Variants in CNTN5 observed in about 807,000 individuals in gnomAD.
CNTN5 encodes contactin-5.
In CNTN5, 77 loss-of-function variants were observed where a neutral mutation model predicts 129.1. The ratio of observed to expected loss-of-function variants is 0.60; its 90% CI spans 0.50 to 0.72. The LOEUF is 0.72. CNTN5 is among the 30% of genes least tolerant of loss of function. CNTN5 has a pLI of 0.00. For missense variants in CNTN5, 1,478 were observed against 1,328.8 expected (o/e 1.11, Z -1.75); for synonymous variants, 509 against 465.6 (o/e 1.09, Z -1.20).
chr11:99,936,181 G>T (rs1950311951), intron 7 of CNTN5, among the ~76,000 whole-genome samples: 1 of 152,108 alleles, frequency 6.6e-6, no homozygotes, highest in East Asian at 1.9e-4. Context: ...ACATTTGCAG[G>T]GGTTATTAAA....
In CNTN5 at chr11:99,138,729, G is replaced by A. The variant is rs568901621; in HGVS notation, c.-210+117459G>A. 2.6e-5 allele frequency among the ~76,000 whole-genome samples: 4 copies of A among 152,202 alleles called. No individual in the cohort carries two copies. The East Asian group carries it at 7.7e-4, about 29-fold the overall frequency. On this transcript the variant is annotated intron_variant, in intron 1 of 24. Transcript: ENST00000524871. ...AATTCCCAAAACCCACAAATAACAT[G>A]AGAAGTCAGTGCTAAGACATAAAAA...
At chr11:99,595,872 G>T (rs1950110795) in intron 3 of CNTN5, among the ~76,000 whole-genome samples, 1 of 151,796 alleles carries the variant, frequency 6.6e-6, no homozygotes, top group Admixed American at 6.6e-5. Flanking sequence ...CCCTCATAAG[G>T]GTTTAAGGCC....
At chr11:99,284,062 A>G (rs1352991093) in intron 1 of CNTN5, among the ~76,000 whole-genome samples, 2 of 152,120 alleles carry the variant, frequency 1.3e-5, no homozygotes, top group African/African-American at 4.8e-5. Flanking sequence ...TGTACTAGCA[A>G]TTGACTCTAT....
chr11:99,652,327 G>A (rs1051867256), intron 3 of CNTN5, among the ~76,000 whole-genome samples: 1 of 151,966 alleles, frequency 6.6e-6, no homozygotes, highest in South Asian at 2.1e-4. Flanking sequence ...TCTTCAGTTG[G>A]TTATAATAGC....
intron 2 of CNTN5, among the ~76,000 whole-genome samples, chr11:99,338,671 TG>T (rs1866346373): frequency 6.6e-6 from 1 of 152,006 alleles, no homozygotes; most frequent in Admixed American, 6.6e-5. Context: ...AAAGCCAAAA[TG>T]GGAGCCAAGA....
intron 17 of CNTN5, among the ~76,000 whole-genome samples, chr11:100,269,429 G>A (rs1950367376): frequency 1.3e-5 from 2 of 152,280 alleles, no homozygotes; most frequent in Middle Eastern, 3.4e-3. Context: ...AATGTTAAGA[G>A]ACCTTAGTTT....
chr11:100,255,697 T>A, intron 16 of CNTN5, 63 bp from the exon 17 acceptor site: 22 of 1,430,640 alleles, frequency 1.5e-5, no homozygotes, highest in South Asian at 2.5e-5. Context: ...ATTGGAAATA[T>A]AATTTCTCAT....
chr11:99,623,832 T>G (rs181630573), intron 3 of CNTN5, among the ~76,000 whole-genome samples: 60 of 152,192 alleles, frequency 3.9e-4, no homozygotes, highest in Non-Finnish European at 7.2e-4. Context: ...AAATTGATAT[T>G]GGGGTGCGTA....
chr11:100,021,141 T>C (rs553845810), intron 9 of CNTN5, among the ~76,000 whole-genome samples: 3 of 152,282 alleles, frequency 2.0e-5, no homozygotes, highest in African/African-American at 7.2e-5. Flanking sequence ...TGTCTTTCTG[T>C]TATTAATTTC....
chr11:99,634,924 A>G (rs1951496317), intron 3 of CNTN5, among the ~76,000 whole-genome samples: 1 of 152,272 alleles, frequency 6.6e-6, no homozygotes, highest in Non-Finnish European at 1.5e-5. Context: ...TGGAACTCTC[A>G]CCGGTGTAAT....
intron 5 of CNTN5, 47 bp from the exon 6 acceptor site, chr11:99,845,040 A>G (rs919424884): frequency 8.1e-6 from 13 of 1,607,618 alleles, no homozygotes. Flanking sequence ...ATATTCTGAC[A>G]CTCTCAGGGA....
intron 1 of CNTN5, among the ~76,000 whole-genome samples, chr11:99,304,340 A>C (rs78754264): frequency 0.024 from 3,595 of 152,246 alleles, 150 homozygotes; most frequent in African/African-American, 0.082. Flanking sequence ...CATCAAAAAA[A>C]TATATATTTC....
intron 3 of CNTN5, among the ~76,000 whole-genome samples, chr11:99,631,200 T>C (rs1201787201): frequency 6.6e-6 from 1 of 152,130 alleles, no homozygotes; most frequent in Non-Finnish European, 1.5e-5. Context: ...TGAGATTTAA[T>C]ACTGTACTAA....
intron 2 of CNTN5, among the ~76,000 whole-genome samples, chr11:99,449,922 A>G (rs1185098366): frequency 6.6e-6 from 1 of 152,220 alleles, no homozygotes; most frequent in Non-Finnish European, 1.5e-5. Context: ...TTTGCTCTAC[A>G]TTATTCTACT....
chr11:99,652,976 C>T (rs1177803739), intron 3 of CNTN5, among the ~76,000 whole-genome samples: 3 of 151,618 alleles, frequency 2.0e-5, no homozygotes, highest in Admixed American at 6.6e-5. Flanking sequence ...ATATATAAAC[C>T]TTGGGGTAAG....
intron 7 of CNTN5, among the ~76,000 whole-genome samples, chr11:99,917,692 A>G (rs1192849406): frequency 2.0e-5 from 3 of 152,152 alleles, no homozygotes; most frequent in Non-Finnish European, 4.4e-5. Flanking sequence ...GTGTATTTTT[A>G]AACAAAGTGA....
At chr11:99,777,904 G>A (rs1402418373) in intron 3 of CNTN5, among the ~76,000 whole-genome samples, 1 of 151,760 alleles carries the variant, frequency 6.6e-6, no homozygotes, top group African/African-American at 2.4e-5. Flanking sequence ...ACATGTGAAA[G>A]CAGTTTAACT....
At chr11:99,420,027 A>G (rs951198782) in intron 2 of CNTN5, among the ~76,000 whole-genome samples, 4 of 152,164 alleles carry the variant, frequency 2.6e-5, no homozygotes, top group African/African-American at 7.2e-5. Context: ...GAGAAGTGCT[A>G]TAGTCAAGGT....
intron 13 of CNTN5, among the ~76,000 whole-genome samples, chr11:100,146,815 C>A (rs1946865263): frequency 6.6e-6 from 1 of 152,048 alleles, no homozygotes; most frequent in Admixed American, 6.6e-5. Flanking sequence ...ATGTTGTGAA[C>A]AATGCATGAA....
Sources: allele counts gnomAD v4.1 joint callset (sites outside exome capture counted in the v4.1 genomes callset), GRCh38; gene constraint gnomAD v4.1.1; transcripts MANE v1.5; gene names NCBI Gene and HGNC (gene_info 2026-07-23, HGNC 2026-07-21).